CDC73: variants seen among roughly 807,000 people sequenced by gnomAD.
The protein encoded by CDC73 is parafibromin.
A neutral mutation model predicts 83.7 loss-of-function variants in CDC73; 21 were observed. That is an observed-to-expected ratio of 0.25 (90% confidence interval 0.18 to 0.36). CDC73 has a LOEUF of 0.36. Ranked by LOEUF, CDC73 falls within the 10% of genes least tolerant of loss-of-function variation. The pLI, the probability that CDC73 is intolerant of heterozygous loss-of-function variation, is 1.00. For synonymous variants in CDC73, 224 were observed against 212.9 expected, an observed-to-expected ratio of 1.05 and a Z score of -0.45; for missense variants, 342 against 653.3, an observed-to-expected ratio of 0.52 and a Z score of 5.19.
chr1:193,135,123 T>C (rs775343057), intron 3 of CDC73, among the ~76,000 whole-genome samples: 3 of 152,046 alleles, frequency 2.0e-5, no homozygotes, highest in Non-Finnish European at 4.4e-5. Flanking sequence ...CATTGGAGCA[T>C]ATACTTTGAA....
chr1:193,124,885 T>TA (rs1471365617), intron 1 of CDC73, among the ~76,000 whole-genome samples: 3 of 152,218 alleles, frequency 2.0e-5, no homozygotes, highest in African/African-American at 7.2e-5. Flanking sequence ...TGTAGTACCT[T>TA]AGAGTATGAA....
At chr1:193,198,150 TGGA>T (rs1677033374) in intron 10 of CDC73, among the ~76,000 whole-genome samples, 1 of 152,152 alleles carries the variant, frequency 6.6e-6, no homozygotes, top group Non-Finnish European at 1.5e-5. Flanking sequence ...GTATCAAGAT[TGGA>T]GGAGTAGTAG....
At chr1:193,216,840 T>G (rs1677376552) in intron 13 of CDC73, among the ~76,000 whole-genome samples, 1 of 152,048 alleles carries the variant, frequency 6.6e-6, no homozygotes. Context: ...ACTAAAAAAA[T>G]TACATGGTCA....
intron 13 of CDC73, among the ~76,000 whole-genome samples, chr1:193,214,806 T>C (rs1340926276): frequency 6.6e-6 from 1 of 152,230 alleles, no homozygotes; most frequent in Non-Finnish European, 1.5e-5. Context: ...GAAATAAGTT[T>C]TAATGTTTTT....
At chr1:193,240,186 A>G (rs1448774475) in intron 15 of CDC73, among the ~76,000 whole-genome samples, 1 of 152,216 alleles carries the variant, frequency 6.6e-6, no homozygotes, top group Non-Finnish European at 1.5e-5. Flanking sequence ...GCCTTGCCAC[A>G]GATGACAGGA....
At chr1:193,128,098 A>G (rs1307177235) in intron 2 of CDC73, 1 of 151,870 alleles carries the variant, frequency 6.6e-6, no homozygotes, top group Non-Finnish European at 1.5e-5. Flanking sequence ...TGAGCAGACC[A>G]CTCTGAAAAC....
intron 10 of CDC73, 112 bp from the exon 11 acceptor site, chr1:193,203,683 G>A (rs960962035): frequency 1.2e-5 from 11 of 890,174 alleles, no homozygotes; most frequent in Non-Finnish European, 2.0e-5. Context: ...AACCAACTGA[G>A]TGAGAAAAAC....
At chr1:193,200,307 A>G (rs926467230) in intron 10 of CDC73, among the ~76,000 whole-genome samples, 3 of 152,150 alleles carry the variant, frequency 2.0e-5, no homozygotes, top group African/African-American at 4.8e-5. Context: ...ACTTGCAACA[A>G]ATATTTTTTT....
intron 16 of CDC73, 27 bp from the exon 17 acceptor site, chr1:193,250,649 T>C (rs979972766): frequency 1.3e-6 from 2 of 1,561,052 alleles, no homozygotes; most frequent in Non-Finnish European, 1.8e-6. Flanking sequence ...CTATAGTCAT[T>C]ATAACCTACC....
chr1:193,208,783 C>T (rs1677230138), intron 11 of CDC73, among the ~76,000 whole-genome samples: 1 of 151,986 alleles, frequency 6.6e-6, no homozygotes, highest in African/African-American at 2.4e-5. Context: ...GTGGTCTACA[C>T]ATTTGTTTTG....
chr1:193,146,064 G>A (rs1675995268), intron 7 of CDC73, among the ~76,000 whole-genome samples: 1 of 152,194 alleles, frequency 6.6e-6, no homozygotes, highest in South Asian at 2.1e-4. Context: ...GGTAAGGTGG[G>A]AAGAGTGGTC....
chr1:193,182,025 C>T (rs530521344), intron 10 of CDC73, among the ~76,000 whole-genome samples: 10 of 152,122 alleles, frequency 6.6e-5, no homozygotes, highest in Admixed American at 3.9e-4. Flanking sequence ...TGTGTAAAAA[C>T]GCCTTAAGAG....
intron 5 of CDC73, chr1:193,136,593 G>C (rs769454548): frequency 4.7e-6 from 1 of 212,064 alleles, no homozygotes; most frequent in Non-Finnish European, 1.1e-5. Flanking sequence ...GGCTCAGACA[G>C]AGTGAGTTCC....
At chr1:193,173,763 G>A (rs1676558437) in intron 10 of CDC73, among the ~76,000 whole-genome samples, 1 of 151,980 alleles carries the variant, frequency 6.6e-6, no homozygotes, top group Admixed American at 6.6e-5. Flanking sequence ...AAAACCAATT[G>A]TATTTAAAGT....
chr1:193,201,958 A>G (rs1677098850), intron 10 of CDC73, among the ~76,000 whole-genome samples: 1 of 152,120 alleles, frequency 6.6e-6, no homozygotes, highest in South Asian at 2.1e-4. Context: ...TTTGATTTGA[A>G]TCTAGCCAGA....
At chr1:193,189,044 C>T (rs926845659) in intron 10 of CDC73, among the ~76,000 whole-genome samples, 2 of 151,154 alleles carry the variant, frequency 1.3e-5, no homozygotes, top group Non-Finnish European at 2.9e-5. Context: ...ACCTCTGCTT[C>T]CCAGGTTCAA....
At chr1:193,139,573 C>T (rs1019720694) in intron 6 of CDC73, among the ~76,000 whole-genome samples, 7 of 152,090 alleles carry the variant, frequency 4.6e-5, no homozygotes, top group African/African-American at 1.7e-4. Flanking sequence ...TGCTTTATTA[C>T]ATGTCTGCTT....
intron 13 of CDC73, among the ~76,000 whole-genome samples, chr1:193,224,106 C>T (rs1572209563): frequency 6.6e-6 from 1 of 151,872 alleles, no homozygotes; most frequent in Admixed American, 6.6e-5. Flanking sequence ...ATTTCTTGTA[C>T]CTGTATTTCT....
intron 10 of CDC73, among the ~76,000 whole-genome samples, chr1:193,193,620 A>T (rs1402762292): frequency 6.6e-6 from 1 of 152,130 alleles, no homozygotes; most frequent in East Asian, 1.9e-4. Flanking sequence ...TATATCCTCC[A>T]TTTATCCTTA....
Sources: allele counts gnomAD v4.1 joint callset (sites outside exome capture counted in the v4.1 genomes callset), GRCh38; gene constraint gnomAD v4.1.1; transcripts MANE v1.5; gene names NCBI Gene and HGNC (gene_info 2026-07-23, HGNC 2026-07-21).